Variants in UGT1A8 observed in about 807,000 individuals in gnomAD.
The protein encoded by UGT1A8 is UDP-glucuronosyltransferase 1A8.
UGT1A8 carries 39 observed loss-of-function variants against 45.3 expected under a neutral mutation model. The ratio of observed to expected loss-of-function variants is 0.86; its 90% CI spans 0.67 to 1.12. UGT1A8 has a LOEUF of 1.12. Ranked by LOEUF, UGT1A8 falls within the 50% of genes most tolerant of loss-of-function variation. The pLI is 0.00. For missense variants in UGT1A8, 719 were observed against 664.9 expected (o/e 1.08, Z -0.90); for synonymous variants, 275 against 249.2 (o/e 1.10, Z -0.97).
intron 1 of UGT1A8, among the ~76,000 whole-genome samples, chr2:233,698,342 CA>C (rs1389818502): frequency 6.6e-6 from 1 of 152,196 alleles, no homozygotes; most frequent in Non-Finnish European, 1.5e-5. Flanking sequence ...GTGTCAGTTG[CA>C]AAACATGAAT....
chr2:233,755,320 T>A, intron 1 of UGT1A8: 1 of 508,264 alleles, frequency 2.0e-6, no homozygotes, highest in Non-Finnish European at 3.2e-6. Context: ...GCGGCAAGGC[T>A]GCCAGCACCC....
chr2:233,769,633 G>A lies in UGT1A8; in HGVS notation c.1295+1194G>A. ...ACCAGCTTGAGCAAGGGACAACAGG[G>A]GAGGACTGATGACTGACTTCCCACC... On this transcript the variant is annotated intron_variant, in intron 4 of 4. Transcript: ENST00000373450. The surrounding 1 kb of genome is among the most constrained non-coding windows in gnomAD (Gnocchi z 4.4). The A allele has an allele frequency of 1.2e-6, 2 of 1,611,454 alleles. No individual in the cohort carries two copies. Among genetic ancestry groups the A allele is most frequent in the East Asian group, 4.5e-5 (2 of 44,858 alleles).
chr2:233,718,731 G>A lies in UGT1A8; in HGVS notation c.856-48303G>A, dbSNP rs1001779280. On this transcript the variant is annotated intron_variant, in intron 1 of 4. Transcript: ENST00000373450. ...CCAATTACATGCTGATTTGCTAGGT[G>A]GCTCAATGACAAGGTAATTAAGGCG... 17 of 1,611,218 alleles carry A rather than the reference G, an allele frequency of 1.1e-5. No homozygotes were observed. In the Admixed American group the frequency reaches 2.7e-4, roughly 25 times the overall value.
At chr2:233,743,908 G>A (rs1211765828) in intron 1 of UGT1A8, 37 of 1,366,084 alleles carry the variant, frequency 2.7e-5, no homozygotes, top group Non-Finnish European at 3.4e-5. Flanking sequence ...CCTCGTAGTA[G>A]TCCACCATGC....
At position 233,734,864 on chromosome 2, in the gene UGT1A8, C is replaced by T. The variant is rs1375585915; in HGVS notation, c.856-32170C>T. 3.3e-5 allele frequency among the ~76,000 whole-genome samples: 5 copies of T among 152,224 alleles called. No individual in the cohort carries two copies. In the East Asian group the frequency reaches 9.6e-4, roughly 29 times the overall value. ...AATCCAGAGTTCTAATTTGACTGCA[C>T]TATGGTCTGAGAGACAGTTTGTTGT... is the stretch of plus-strand genomic sequence containing the variant. On this transcript the variant is annotated intron_variant, in intron 1 of 4. Coordinates refer to ENST00000373450, the MANE Select transcript of UGT1A8 (RefSeq NM_019076.5).
intron 1 of UGT1A8, among the ~76,000 whole-genome samples, chr2:233,756,947 C>T (rs1471730406): frequency 2.6e-5 from 4 of 152,070 alleles, no homozygotes; most frequent in East Asian, 1.9e-4. Context: ...ACCTGAAACC[C>T]GGACTTGGCA....
At chr2:233,713,509 T>G (rs775377534) in intron 1 of UGT1A8, 50 of 1,613,866 alleles carry the variant, frequency 3.1e-5, no homozygotes, top group Admixed American at 1.5e-4. Flanking sequence ...GTGTTTTTCT[T>G]GAGGAACATT....
At chr2:233,641,335 G>C (rs2073446627) in intron 1 of UGT1A8, among the ~76,000 whole-genome samples, 1 of 152,104 alleles carries the variant, frequency 6.6e-6, no homozygotes, top group South Asian at 2.1e-4. Flanking sequence ...ATTTTAACCT[G>C]ATAACAACTT....
intron 1 of UGT1A8, chr2:233,672,507 C>G: frequency 6.2e-7 from 1 of 1,613,930 alleles, no homozygotes; most frequent in Non-Finnish European, 8.5e-7. Flanking sequence ...CCTATGTCCC[C>G]AGAATTCTCT....
intron 1 of UGT1A8, chr2:233,713,073 A>G (rs2076276099): frequency 1.2e-6 from 2 of 1,614,110 alleles, no homozygotes; most frequent in African/African-American, 2.7e-5. Flanking sequence ...CTGGGCTGAG[A>G]GTGGGAAGGT....
chr2:233,670,108 T>C (rs907860979), intron 1 of UGT1A8, among the ~76,000 whole-genome samples: 1 of 152,224 alleles, frequency 6.6e-6, no homozygotes, highest in Non-Finnish European at 1.5e-5. Context: ...TTATATACTG[T>C]ATTATCATAA....
intron 1 of UGT1A8, among the ~76,000 whole-genome samples, chr2:233,625,999 G>A (rs1289637731): frequency 6.6e-6 from 1 of 152,020 alleles, no homozygotes; most frequent in Non-Finnish European, 1.5e-5. Flanking sequence ...CTTCCATTGA[G>A]TGGGCTGTGG....
intron 1 of UGT1A8, chr2:233,760,792 G>A (rs1185395607): frequency 1.2e-6 from 2 of 1,613,510 alleles, no homozygotes; most frequent in Non-Finnish European, 1.7e-6. Context: ...TCTGCCCACT[G>A]TATTCTTCTT....
rs367562116 is a variant in UGT1A8, at chr2:233,765,371, G to A, written c.856-1663G>A. On this transcript the variant is annotated intron_variant, in intron 1 of 4. Coordinates refer to ENST00000373450, the MANE Select transcript of UGT1A8 (RefSeq NM_019076.5). Reference sequence around the variant, plus strand: ...GGAACCAACCCAGATGCCCATCAATGGTAGATTGGATAAAGAAAATGTGGT... The same window carrying A: ...GGAACCAACCCAGATGCCCATCAATAGTAGATTGGATAAAGAAAATGTGGT... Among the ~76,000 whole-genome samples, 7 of 152,230 alleles carry A rather than the reference G, an allele frequency of 4.6e-5. No homozygotes were observed. In the South Asian group the frequency reaches 1.0e-3, roughly 23 times the overall value.
intron 1 of UGT1A8, among the ~76,000 whole-genome samples, chr2:233,621,113 A>G (rs2072995401): frequency 6.6e-6 from 1 of 152,186 alleles, no homozygotes; most frequent in Non-Finnish European, 1.5e-5. Flanking sequence ...TTTAACAAAG[A>G]TGGCAGATGG....
chr2:233,681,823 A>T, intron 1 of UGT1A8: 1 of 1,501,462 alleles, frequency 6.7e-7, no homozygotes. Context: ...TTTTTTTTAA[A>T]TGAATGAATA....
chr2:233,699,893 G>A lies in UGT1A8; in HGVS notation c.856-67141G>A, dbSNP rs193246274. Among the ~76,000 whole-genome samples the A allele has an allele frequency of 5.3e-5, 8 of 152,302 alleles. No homozygotes were observed. The East Asian group carries it at 1.5e-3, about 29-fold the overall frequency. On this transcript the variant is annotated intron_variant, in intron 1 of 4. Coordinates refer to ENST00000373450, the MANE Select transcript of UGT1A8 (RefSeq NM_019076.5). Reference sequence around the variant, plus strand: ...TTTTTGGTGTTGCAATTGGAGAGGCGAAATAGTCAGTAGGATATACGTAGA... The same window carrying A: ...TTTTTGGTGTTGCAATTGGAGAGGCAAAATAGTCAGTAGGATATACGTAGA...
At chr2:233,766,771 C>A (rs71528513) in intron 1 of UGT1A8, among the ~76,000 whole-genome samples, 1 of 152,170 alleles carries the variant, frequency 6.6e-6, no homozygotes, top group Admixed American at 6.5e-5. Flanking sequence ...TGTACCTGTG[C>A]TTTTCTTTTG....
At chr2:233,631,683 T>G (rs944100469) in intron 1 of UGT1A8, among the ~76,000 whole-genome samples, 6 of 151,400 alleles carry the variant, frequency 4.0e-5, no homozygotes, top group East Asian at 1.9e-4. Context: ...TTTGATGGGG[T>G]TTTTTTTTCT....
Sources: allele counts gnomAD v4.1 joint callset (sites outside exome capture counted in the v4.1 genomes callset), GRCh38; gene constraint gnomAD v4.1.1; non-coding constraint Gnocchi (gnomAD v3.1); transcripts MANE v1.5; gene names NCBI Gene and HGNC (gene_info 2026-07-23, HGNC 2026-07-21).